The following MTUS1 variants were observed in gnomAD, a reference collection of about 807,000 sequenced individuals.
MTUS1 encodes the protein microtubule associated scaffold protein 1.
MTUS1 carries 109 observed loss-of-function variants against 120.8 expected under a neutral mutation model. The observed-to-expected ratio is 0.90, with a 90% confidence interval of 0.77 to 1.06. The LOEUF (loss-of-function observed/expected upper bound fraction) is 1.06. Among genes scored for constraint, MTUS1 ranks in the 50% least tolerant of loss-of-function variants. The pLI is 0.00. For missense variants in MTUS1, 2,210 were observed against 1,486.3 expected, an observed-to-expected ratio of 1.49 and a Z score of -8.01; for synonymous variants, 737 against 550.5, an observed-to-expected ratio of 1.34 and a Z score of -4.74.
chr8:17,767,788 G>C (rs998679173), intron 1 of MTUS1, among the ~76,000 whole-genome samples: 2 of 151,664 alleles, frequency 1.3e-5, no homozygotes, highest in Admixed American at 6.6e-5. Context: ...AAGATAAAGA[G>C]CCAACGGTTT....
chr8:17,786,791 G>A (rs17125459), intron 1 of MTUS1, among the ~76,000 whole-genome samples: 4,058 of 152,174 alleles, frequency 0.027, 187 homozygotes, highest in African/African-American at 0.092. Context: ...TAAGAGTTAA[G>A]GTGCTACGTT....
chr8:17,651,871 T>G (rs1261521212), intron 12 of MTUS1: 1 of 152,220 alleles, frequency 6.6e-6, no homozygotes, highest in Non-Finnish European at 1.5e-5. Context: ...CAATAAAGTT[T>G]ATACCCTGCA....
chr8:17,680,302 A>G (rs1357447837), intron 7 of MTUS1, among the ~76,000 whole-genome samples: 1 of 151,844 alleles, frequency 6.6e-6, no homozygotes, highest in Non-Finnish European at 1.5e-5. Flanking sequence ...CATCTCTACT[A>G]AAAATACAAA....
intron 2 of MTUS1, among the ~76,000 whole-genome samples, chr8:17,748,879 T>G (rs1350713651): frequency 6.6e-6 from 1 of 152,260 alleles, no homozygotes; most frequent in Non-Finnish European, 1.5e-5. Context: ...ATACATAGTA[T>G]GCACCCAATA....
chr8:17,701,584 G>A (rs1819090755), intron 6 of MTUS1, among the ~76,000 whole-genome samples: 1 of 152,030 alleles, frequency 6.6e-6, no homozygotes, highest in Non-Finnish European at 1.5e-5. Flanking sequence ...ACCTCGGTCT[G>A]TCGCCAAGGC....
At chr8:17,714,879 T>A (rs1472871038) in intron 5 of MTUS1, among the ~76,000 whole-genome samples, 1 of 138,924 alleles carries the variant, frequency 7.2e-6, no homozygotes, top group East Asian at 2.4e-4. Context: ...TTCAGTTCAC[T>A]AAGCACAAAT....
In MTUS1 at chr8:17,647,068, G is replaced by T; in HGVS notation, c.3513C>A (p.Asn1171Lys). ...LMKMEKLVDN[N>K]TALVDKLKRF... Reference sequence around the variant, plus strand: ...GCTTCAATTTGTCAACCAATGCTGTGTTGTTGTCCACCTTGGCATAAACAA... The same window carrying T: ...GCTTCAATTTGTCAACCAATGCTGTTTTGTTGTCCACCTTGGCATAAACAA... The change falls in exon 14 of 15, where the codon AAC becomes AAA. Residue 1171 changes from asparagine (N) to lysine (K), a missense_variant. Coordinates refer to ENST00000693296, the MANE Select transcript of MTUS1 (RefSeq NM_001363059.2). 1 of 1,613,378 alleles carries T rather than the reference G, an allele frequency of 6.2e-7. No homozygotes were observed. The highest frequency in any genetic ancestry group is 8.5e-7 in the Non-Finnish European group (1 of 1,179,708).
intron 5 of MTUS1, among the ~76,000 whole-genome samples, chr8:17,713,498 T>C (rs543357842): frequency 4.6e-5 from 7 of 152,228 alleles, no homozygotes; most frequent in Admixed American, 4.6e-4. Flanking sequence ...AGGACCAGTT[T>C]TAAAAGGAAA....
At position 17,755,520 on chromosome 8, in the gene MTUS1, A is replaced by T; in HGVS notation, c.288T>A (p.Asp96Glu). 6.2e-7 allele frequency: 1 copy of T among 1,614,192 alleles called. No homozygotes were observed. The highest frequency in any genetic ancestry group is 2.2e-5 in the East Asian group (1 of 44,882). Residue 96 changes from aspartate (D) to glutamate (E), a missense_variant, in exon 2 of 15, where the codon GAT (aspartate) becomes GAA (glutamate). Coordinates refer to ENST00000693296, the MANE Select transcript of MTUS1 (RefSeq NM_001363059.2). ...SSDFISKQVL[D>E]MHKDSICQCP... is the part of the protein sequence containing the mutation. ...ACTGACAAATAGAATCTTTATGCATATCTAACACCTGCTTACTAATGAAAT... is the reference window on the plus strand; with the variant it reads ...ACTGACAAATAGAATCTTTATGCATTTCTAACACCTGCTTACTAATGAAAT...
intron 6 of MTUS1, among the ~76,000 whole-genome samples, chr8:17,702,243 C>T (rs1368944157): frequency 6.6e-6 from 1 of 152,196 alleles, no homozygotes; most frequent in African/African-American, 2.4e-5. Flanking sequence ...TCGCCAGTAC[C>T]AGGTGCTAAC....
Position 17,722,905 on chromosome 8 carries a change from C to T in MTUS1, c.2449+767G>A, listed in dbSNP as rs570668367. Among the ~76,000 whole-genome samples the T allele has an allele frequency of 4.9e-4, 75 of 152,070 alleles. 1 individual carries two copies. The highest frequency in any genetic ancestry group is 7.9e-4 in the Non-Finnish European group (54 of 67,974). ...AACTGATCTGTCAAACTGAAGAGATCAGTTCGCCACTCCTCTCCACACCCT... is the reference window on the plus strand; with the variant it reads ...AACTGATCTGTCAAACTGAAGAGATTAGTTCGCCACTCCTCTCCACACCCT... On this transcript the variant is annotated intron_variant, in intron 4 of 14. Coordinates refer to ENST00000693296, the MANE Select transcript of MTUS1 (RefSeq NM_001363059.2).
intron 4 of MTUS1, chr8:17,721,802 G>A (rs1050702684): frequency 5.6e-6 from 9 of 1,614,048 alleles, no homozygotes; most frequent in East Asian, 4.5e-5. Context: ...GCATCATAGT[G>A]CCTCTCTGAA....
intron 3 of MTUS1, among the ~76,000 whole-genome samples, chr8:17,740,245 C>T (rs1359635498): frequency 6.6e-6 from 1 of 152,014 alleles, no homozygotes; most frequent in African/African-American, 2.4e-5. Flanking sequence ...AAAAGAACAG[C>T]TGTGTTGGGT....
At chr8:17,764,144 G>C (rs7846075) in intron 1 of MTUS1, among the ~76,000 whole-genome samples, 5,898 of 152,228 alleles carry the variant, frequency 0.039, 367 homozygotes, top group African/African-American at 0.14. Flanking sequence ...TGAAAGAAGA[G>C]AACAACAGTT....
At chr8:17,800,076 G>A (rs2052557886) in intron 1 of MTUS1, among the ~76,000 whole-genome samples, 1 of 152,216 alleles carries the variant, frequency 6.6e-6, no homozygotes, top group Admixed American at 6.5e-5. Flanking sequence ...TTGCAATTCC[G>A]TTTATGCAAT....
intron 5 of MTUS1, among the ~76,000 whole-genome samples, chr8:17,713,849 C>G (rs150214314): frequency 6.6e-6 from 1 of 152,270 alleles, no homozygotes; most frequent in East Asian, 1.9e-4. Context: ...CTACCATGTT[C>G]TATCTGAAAT....
intron 6 of MTUS1, among the ~76,000 whole-genome samples, chr8:17,708,297 A>T (rs1189390331): frequency 3.3e-5 from 5 of 152,276 alleles, no homozygotes; most frequent in Admixed American, 2.0e-4. Context: ...AATGATTTGA[A>T]TAGACACTTC....
At chr8:17,717,075 C>G (rs1822481284) in intron 4 of MTUS1, among the ~76,000 whole-genome samples, 1 of 152,172 alleles carries the variant, frequency 6.6e-6, no homozygotes, top group Non-Finnish European at 1.5e-5. Flanking sequence ...TACAATAGTG[C>G]TTATACACAT....
chr8:17,788,486 C>T (rs908863950), intron 1 of MTUS1, among the ~76,000 whole-genome samples: 25 of 152,122 alleles, frequency 1.6e-4, no homozygotes, highest in African/African-American at 5.6e-4. Flanking sequence ...ACTGTTACAT[C>T]CTGAACATAT....
Sources: gnomAD v4.1 joint callset for allele counts (sites outside exome capture counted in the v4.1 genomes callset) on GRCh38, gnomAD v4.1.1 for gene constraint, MANE v1.5 for transcripts, NCBI Gene and HGNC (gene_info 2026-07-23, HGNC 2026-07-21) for gene names.